STON2: variants seen among roughly 807,000 people sequenced by gnomAD.
The protein encoded by STON2 is stonin 2.
A neutral mutation model predicts 65.7 loss-of-function variants in STON2; 29 were observed. That is an observed-to-expected ratio of 0.44 (90% confidence interval 0.33 to 0.60). The LOEUF (loss-of-function observed/expected upper bound fraction) is 0.60. Among genes scored for constraint, STON2 ranks in the 20% least tolerant of loss-of-function variants. The probability of loss-of-function intolerance (pLI) is 0.03; values close to 1 mark genes in which losing one functional copy is unlikely to be tolerated. For synonymous variants in STON2, 404 were observed against 414.2 expected (o/e 0.98, Z 0.30); for missense variants, 1,054 against 1,118.1 (o/e 0.94, Z 0.82).
At chr14:81,360,646 T>C (rs1288090225) in intron 4 of STON2, among the ~76,000 whole-genome samples, 1 of 152,142 alleles carries the variant, frequency 6.6e-6, no homozygotes, top group Non-Finnish European at 1.5e-5. Context: ...GCCACTTCTA[T>C]TCAACATAGT....
chr14:81,348,126 C>A (rs1436453339), intron 4 of STON2, among the ~76,000 whole-genome samples: 1 of 151,868 alleles, frequency 6.6e-6, no homozygotes, highest in Non-Finnish European at 1.5e-5. Flanking sequence ...CAGCTCTCAA[C>A]ATAATAAAGG....
intron 4 of STON2, among the ~76,000 whole-genome samples, chr14:81,326,989 C>G (rs539743071): frequency 6.6e-6 from 1 of 152,250 alleles, no homozygotes; most frequent in Non-Finnish European, 1.5e-5. Flanking sequence ...AAAACCCCGT[C>G]TCTACTAAAA....
intron 1 of STON2, among the ~76,000 whole-genome samples, chr14:81,435,511 C>T (rs1372029574): frequency 1.3e-5 from 2 of 152,104 alleles, no homozygotes; most frequent in African/African-American, 4.8e-5. Context: ...GAGGGAGGCA[C>T]AGAGAGTAAG....
intron 5 of STON2, among the ~76,000 whole-genome samples, chr14:81,297,653 G>C (rs1325446779): frequency 6.6e-6 from 1 of 152,178 alleles, no homozygotes. Context: ...AAATGACAAG[G>C]AGCACTTATT....
intron 5 of STON2, among the ~76,000 whole-genome samples, chr14:81,293,089 A>T (rs1428589114): frequency 1.3e-5 from 2 of 151,648 alleles, no homozygotes; most frequent in African/African-American, 2.4e-5. Context: ...AAATGGACTG[A>T]CTCAAGGGCA....
chr14:81,354,635 T>G (rs7153469), intron 4 of STON2, among the ~76,000 whole-genome samples: 44,653 of 151,820 alleles, frequency 0.29, 6,872 homozygotes, highest in East Asian at 0.41. Flanking sequence ...ATTTGGAAAA[T>G]TATACATGAA....
At position 81,261,944 on chromosome 14, in the gene STON2, TAAAA is replaced by T. The variant is rs753081402; in HGVS notation, c.*6466_*6469del. ...CTGTTTCTGTTGTCTGGGGAAATGA[TAAAA>T]AAAAAAAAAAAAAAGAGAGAGATGT... is the stretch of plus-strand genomic sequence containing the variant. On this transcript the variant is annotated 3_prime_UTR_variant, in exon 8 of 8. Transcript: ENST00000614646. 1.8e-4 allele frequency: 219 copies of T among 1,195,458 alleles called. No individual in the cohort carries two copies. Among genetic ancestry groups the T allele is most frequent in the South Asian group, 9.1e-4 (34 of 37,312 alleles). The allele number at this position is 1,195,458 out of a possible 1,614,324, so 74.1% of individuals were successfully genotyped here.
At position 81,340,474 on chromosome 14, in the gene STON2, T is replaced by C. The variant is rs537811993; in HGVS notation, c.572-16287A>G. Reference sequence around the variant, plus strand: ...ACACAATGGCTCTATAGATCTTAAATAGGGCCCTTAAAATCAGGGGAGATG... The same window carrying C: ...ACACAATGGCTCTATAGATCTTAAACAGGGCCCTTAAAATCAGGGGAGATG... On this transcript the variant is annotated intron_variant, in intron 4 of 7. Coordinates refer to ENST00000614646, the MANE Select transcript of STON2 (RefSeq NM_001394390.1). Among the ~76,000 whole-genome samples the C allele has an allele frequency of 3.9e-5, 6 of 152,296 alleles. No individual in the cohort carries two copies. The South Asian group carries it at 1.2e-3, about 32-fold the overall frequency.
At chr14:81,268,622 T>C in intron 7 of STON2, 125 bp from the exon 8 acceptor site, 1 of 1,240,320 alleles carries the variant, frequency 8.1e-7, no homozygotes, top group South Asian at 1.4e-5. Flanking sequence ...TTTTGGGCGT[T>C]AGCCACATTG....
chr14:81,352,858 C>G (rs964399140), intron 4 of STON2, among the ~76,000 whole-genome samples: 27 of 152,180 alleles, frequency 1.8e-4, no homozygotes, highest in Admixed American at 3.9e-4. Context: ...TTACACCACC[C>G]TTTTGGAACA....
intron 2 of STON2, among the ~76,000 whole-genome samples, chr14:81,424,823 A>G (rs1244051899): frequency 6.6e-6 from 1 of 152,206 alleles, no homozygotes; most frequent in Non-Finnish European, 1.5e-5. Flanking sequence ...CAAAAGAAAA[A>G]TTTAATCACT....
intron 4 of STON2, among the ~76,000 whole-genome samples, chr14:81,358,717 CCAA>C (rs1898361728): frequency 2.0e-5 from 3 of 152,050 alleles, no homozygotes; most frequent in African/African-American, 7.2e-5. Context: ...CAAATGGCAA[CCAA>C]AAGAGAGCTG....
At chr14:81,307,804 G>T (rs577899647) in intron 5 of STON2, among the ~76,000 whole-genome samples, 1 of 152,226 alleles carries the variant, frequency 6.6e-6, no homozygotes, top group South Asian at 2.1e-4. Context: ...TTACTTTATT[G>T]TAGGAATGCA....
chr14:81,434,073 A>T (rs1307292681), intron 1 of STON2, among the ~76,000 whole-genome samples: 1 of 152,130 alleles, frequency 6.6e-6, no homozygotes, highest in East Asian at 1.9e-4. Flanking sequence ...AACTTTTAAG[A>T]TCTTCTCTGG....
chr14:81,414,618 T>C (rs751041889), intron 2 of STON2, among the ~76,000 whole-genome samples: 29 of 151,544 alleles, frequency 1.9e-4, no homozygotes, highest in Non-Finnish European at 3.4e-4. Context: ...ATTCCTTGAA[T>C]ACTAGATGTG....
At chr14:81,327,376 T>C (rs549643949) in intron 4 of STON2, among the ~76,000 whole-genome samples, 72 of 152,284 alleles carry the variant, frequency 4.7e-4, no homozygotes, top group African/African-American at 1.7e-3. Flanking sequence ...TGCCAGAAAA[T>C]GTCCCACAAT....
At chr14:81,412,465 C>A (rs1901208885) in intron 2 of STON2, among the ~76,000 whole-genome samples, 1 of 139,898 alleles carries the variant, frequency 7.1e-6, no homozygotes, top group South Asian at 2.4e-4. Flanking sequence ...GGACATCATG[C>A]TAAGTGAAAT....
In STON2 at chr14:81,265,001, G is replaced by T. The variant is rs1894299768; in HGVS notation, c.*3413C>A. 1.0e-6 allele frequency: 1 copy of T among 980,998 alleles called. No homozygotes were observed. Among genetic ancestry groups the T allele is most frequent in the African/African-American group, 1.8e-5 (1 of 57,054 alleles). 60.8% of individuals were successfully genotyped at this position (980,998 alleles called of 1,614,324 possible). A position where few individuals can be genotyped will look rare whatever the true frequency, so the allele number is the denominator to read the frequency against. On this transcript the variant is annotated 3_prime_UTR_variant, in exon 8 of 8. Coordinates refer to ENST00000614646, the MANE Select transcript of STON2 (RefSeq NM_001394390.1). Reference sequence around the variant, plus strand: ...GTGATATCTAATTTATGTTCTAAGAGTAATACTATGTACTGGTAAAATGAA... The same window carrying T: ...GTGATATCTAATTTATGTTCTAAGATTAATACTATGTACTGGTAAAATGAA...
chr14:81,276,589 C>CA (rs1566882590), intron 6 of STON2, among the ~76,000 whole-genome samples: 1 of 152,170 alleles, frequency 6.6e-6, no homozygotes, highest in Non-Finnish European at 1.5e-5. Context: ...ACAGCTAATA[C>CA]GTTAATGAGT....
Sources: allele counts gnomAD v4.1 joint callset (sites outside exome capture counted in the v4.1 genomes callset), GRCh38; gene constraint gnomAD v4.1.1; transcripts MANE v1.5; gene names NCBI Gene and HGNC (gene_info 2026-07-23, HGNC 2026-07-21).